CCDC27: variants seen among roughly 807,000 people sequenced by gnomAD.
CCDC27 encodes coiled-coil domain-containing protein 27.
Under a neutral mutation model 80.3 loss-of-function variants are expected in CCDC27, and 80 were observed. The observed-to-expected ratio is 1.00, with a 90% CI of 0.83 to 1.20. CCDC27 has a LOEUF of 1.20. CCDC27 is among the 50% of genes most tolerant of loss of function. CCDC27 has a pLI of 0.00. For missense variants in CCDC27, 815 were observed against 809.4 expected (o/e 1.01, Z -0.08); for synonymous variants, 342 against 334.3 (o/e 1.02, Z -0.25).
rs949236639 is a variant in CCDC27, at chr1:3,755,025, G to A, written c.443-432G>A. 5.9e-5 allele frequency among the ~76,000 whole-genome samples: 9 copies of A among 152,292 alleles called. No individual in the cohort carries two copies. The East Asian group carries it at 1.7e-3, about 29-fold the overall frequency. On this transcript the variant is annotated intron_variant, in intron 2 of 11. Coordinates refer to ENST00000294600, the MANE Select transcript of CCDC27 (RefSeq NM_152492.3). ...GGCAGGTCTCTGGGGAGGCTGAGGGGCCACACGGTGTCCTGGGCGTGGGGT... is the reference window on the plus strand; with the variant it reads ...GGCAGGTCTCTGGGGAGGCTGAGGGACCACACGGTGTCCTGGGCGTGGGGT...
Position 3,761,370 on chromosome 1 carries a change from G to A in CCDC27, c.801G>A (p.Met267Ile), listed in dbSNP as rs565682717. The change falls in exon 5 of 12, where the codon ATG becomes ATA. Residue 267 changes from methionine (M) to isoleucine (I), a missense_variant. Coordinates refer to ENST00000294600, the MANE Select transcript of CCDC27 (RefSeq NM_152492.3). This position sits in a 1 kb window ranked among gnomAD's most constrained non-coding sequence, Gnocchi z 5.0. Reference sequence around the variant, plus strand: ...AGGAGGAGAGGGAGGCCCTGAAGATGCAGCTGAAATGCCTTCTGAAAGGCA... The same window carrying A: ...AGGAGGAGAGGGAGGCCCTGAAGATACAGCTGAAATGCCTTCTGAAAGGCA... ...LLQEEREALKMQLKCLLKGKG... is the reference protein window; with the variant it reads ...LLQEEREALKIQLKCLLKGKG... The A allele has an allele frequency of 1.9e-5, 30 of 1,614,152 alleles. No homozygotes were observed. The African/African-American group carries it at 3.1e-4, about 16-fold the overall frequency.
rs1643088824 is a variant in CCDC27, at chr1:3,761,632, G to C, written c.861+202G>C. ...CGAACAGAGGCACGAAATGACAAATGAGAGCCATGAGCTGATGCAACAGGG... is the reference window on the plus strand; with the variant it reads ...CGAACAGAGGCACGAAATGACAAATCAGAGCCATGAGCTGATGCAACAGGG... On this transcript the variant is annotated intron_variant, in intron 5 of 11. Coordinates refer to ENST00000294600, the MANE Select transcript of CCDC27 (RefSeq NM_152492.3). This position sits in a 1 kb window ranked among gnomAD's most constrained non-coding sequence, Gnocchi z 5.0. Among the ~76,000 whole-genome samples, 1 of 150,764 alleles carries C rather than the reference G, an allele frequency of 6.6e-6. No individual in the cohort carries two copies. The highest frequency in any genetic ancestry group is 1.5e-5 in the Non-Finnish European group (1 of 67,286).
At chr1:3,771,149 T>A (rs938741076) in intron 11 of CCDC27, among the ~76,000 whole-genome samples, 4 of 152,164 alleles carry the variant, frequency 2.6e-5, no homozygotes, top group Non-Finnish European at 4.4e-5. Context: ...CTTCCGTGGC[T>A]GAAAATCAGC....
At chr1:3,767,151 T>C (rs1376498467) in intron 9 of CCDC27, 82 bp from the exon 10 acceptor site, 1 of 1,352,862 alleles carries the variant, frequency 7.4e-7, no homozygotes, top group African/African-American at 1.4e-5. Flanking sequence ...CGGCCATCTT[T>C]TAGGAAAAAG....
rs1044803457 is a variant in CCDC27 at position 3,755,453 on chromosome 1, A to G, written c.443-4A>G. On this transcript the variant is annotated splice_polypyrimidine_tract_variant and splice_region_variant and intron_variant, in intron 2 of 11. Coordinates refer to ENST00000294600, the MANE Select transcript of CCDC27 (RefSeq NM_152492.3). ...CACCAGATGGCATCTTTAACACTCT[A>G]CAGGTTCACCCACTGAGGCCGATTT... 8 of 1,613,086 alleles carry G rather than the reference A, an allele frequency of 5.0e-6. No homozygotes were observed. In the African/African-American group the frequency reaches 6.7e-5, roughly 13 times the overall value.
rs1257742207 is a variant in CCDC27, at chr1:3,766,732, T to C, written c.1530+120T>C. On this transcript the variant is annotated intron_variant, in intron 9 of 11. Coordinates refer to ENST00000294600, the MANE Select transcript of CCDC27 (RefSeq NM_152492.3). The surrounding 1 kb of genome is among the most constrained non-coding windows in gnomAD (Gnocchi z 6.1). ...CACAGCTGAGCCAGGACCCCTTCGG[T>C]AGCATGCCACTCGACAGATCTCTGC... 2.8e-6 allele frequency: 2 copies of C among 720,982 alleles called. No individual in the cohort carries two copies. Among genetic ancestry groups the C allele is most frequent in the Non-Finnish European group, 4.7e-6 (2 of 429,280 alleles). 44.7% of individuals were successfully genotyped at this position (720,982 alleles called of 1,614,324 possible). A position where few individuals can be genotyped will look rare whatever the true frequency, so the allele number is the denominator to read the frequency against.
chr1:3,756,428 C>A (rs75920155), intron 3 of CCDC27: 53,137 of 257,710 alleles, frequency 0.21, 6,911 homozygotes, highest in Non-Finnish European at 0.28. Flanking sequence ...ATCAGGATGA[C>A]CCCCTCGTCC....
chr1:3,762,338 G>A (rs1439071326), intron 5 of CCDC27, among the ~76,000 whole-genome samples: 4 of 152,132 alleles, frequency 2.6e-5, no homozygotes, highest in African/African-American at 4.8e-5. Flanking sequence ...ATGCACAGTG[G>A]GCGTGTGTAA....
Position 3,763,523 on chromosome 1 carries a change from G to C in CCDC27, c.1321+49G>C. ...GGGCTTTGGCCACTCAGTGGTTCCC[G>C]GCCCAGGAGCTGGGACGCCCAGACG... On this transcript the variant is annotated intron_variant, in intron 7 of 11. Transcript: ENST00000294600. The surrounding 1 kb of genome is among the most constrained non-coding windows in gnomAD (Gnocchi z 7.5). The C allele has an allele frequency of 3.2e-6, 5 of 1,551,662 alleles. No individual in the cohort carries two copies. Among genetic ancestry groups the C allele is most frequent in the Non-Finnish European group, 4.4e-6 (5 of 1,148,556 alleles).
rs767384697 is a variant in CCDC27 at position 3,766,548 on chromosome 1, G to A, written c.1466G>A (p.Arg489Gln). 1.4e-5 allele frequency: 22 copies of A among 1,613,420 alleles called. No individual in the cohort carries two copies. Among genetic ancestry groups the A allele is most frequent in the African/African-American group, 4.0e-5 (3 of 74,820 alleles). The change falls in exon 9 of 12, where the codon CGA (arginine) becomes CAA (glutamine). Residue 489 changes from arginine to glutamine, a missense_variant. Arg to Gln is a conservative substitution (Grantham distance 43). Transcript: ENST00000294600. The surrounding 1 kb of genome is among the most constrained non-coding windows in gnomAD (Gnocchi z 6.1). ...QAMTDKFSNL[R>Q]EDKKHQEMMG... ...GTCTCCTTCCAGTTCTCCAACCTCC[G>A]AGAAGATAAGAAACACCAAGAGATG...
Position 3,766,668 on chromosome 1 carries a change from C to T in CCDC27, c.1530+56C>T. The T allele has an allele frequency of 2.8e-6, 4 of 1,445,878 alleles. No homozygotes were observed. The highest frequency in any genetic ancestry group is 3.9e-6 in the Non-Finnish European group (4 of 1,032,858). 89.6% of individuals were successfully genotyped at this position (1,445,878 alleles called of 1,614,324 possible). On this transcript the variant is annotated intron_variant, in intron 9 of 11. Transcript: ENST00000294600. The surrounding 1 kb of genome is among the most constrained non-coding windows in gnomAD (Gnocchi z 6.1). ...CCAGGCCACTGTTCTTACTGTAAGT[C>T]CCAACACAGCAAAGGGCAAGACGGG...
Position 3,768,153 on chromosome 1 carries a change from G to C in CCDC27, c.1743+708G>C, listed in dbSNP as rs1158805306. Among the ~76,000 whole-genome samples, 1 of 149,776 alleles carries C rather than the reference G, an allele frequency of 6.7e-6. No individual in the cohort carries two copies. The highest frequency in any genetic ancestry group is 1.5e-5 in the Non-Finnish European group (1 of 67,704). On this transcript the variant is annotated intron_variant, in intron 10 of 11. Coordinates refer to ENST00000294600, the MANE Select transcript of CCDC27 (RefSeq NM_152492.3). This position sits in a 1 kb window ranked among gnomAD's most constrained non-coding sequence, Gnocchi z 5.6. ...TCTGTCATCCAGTCTGGAGTGCAGT[G>C]GGGTGATAACAGCTCACTGCAGCCT... is the stretch of plus-strand genomic sequence containing the variant.
chr1:3,752,959 A>C (rs190430963), intron 1 of CCDC27, among the ~76,000 whole-genome samples, 160 bp downstream of exon 1: 1 of 152,200 alleles, frequency 6.6e-6, no homozygotes, highest in African/African-American at 2.4e-5. Flanking sequence ...ATTGAGCGCT[A>C]GGGGTGGAAA....
rs76615735 is a variant in CCDC27, at chr1:3,768,053, C to T, written c.1743+608C>T. 0.012 allele frequency among the ~76,000 whole-genome samples: 1,767 copies of T among 151,372 alleles called. 31 individuals are homozygous for T. Among genetic ancestry groups the T allele is most frequent in the African/African-American group, 0.041 (1,671 of 41,172 alleles). On this transcript the variant is annotated intron_variant, in intron 10 of 11. Coordinates refer to ENST00000294600, the MANE Select transcript of CCDC27 (RefSeq NM_152492.3). The surrounding 1 kb of genome is among the most constrained non-coding windows in gnomAD (Gnocchi z 5.6). Reference sequence around the variant, plus strand: ...CCAGAGTGTGCCCTGCTTGTGAGGGCCCCATGCCAAAAAGGAAATCAATAA... The same window carrying T: ...CCAGAGTGTGCCCTGCTTGTGAGGGTCCCATGCCAAAAAGGAAATCAATAA...
In CCDC27 at chr1:3,761,334, C is replaced by A. The variant is rs200698032; in HGVS notation, c.765C>A (p.Ile255=). The change falls in exon 5 of 12, where the codon ATC becomes ATA. Residue 255 remains isoleucine (I), a synonymous_variant. Coordinates refer to ENST00000294600, the MANE Select transcript of CCDC27 (RefSeq NM_152492.3). This position sits in a 1 kb window ranked among gnomAD's most constrained non-coding sequence, Gnocchi z 5.0. ...EIQVQKKDEE[I]LLLQEEREAL... ...AGGTTCAGAAGAAAGACGAGGAGAT[C>A]CTGCTGCTCCAGGAGGAGAGGGAGG... The A allele has an allele frequency of 1.2e-6, 2 of 1,614,144 alleles. No individual in the cohort carries two copies. Among genetic ancestry groups the A allele is most frequent in the Admixed American group, 3.3e-5 (2 of 60,020 alleles).
chr1:3,762,574 C>G, intron 5 of CCDC27, 46 bp from the exon 6 acceptor site: 2 of 1,473,988 alleles, frequency 1.4e-6, no homozygotes, highest in Non-Finnish European at 1.9e-6. Context: ...CCCTGGGGTG[C>G]TGCAGGAGGG....
At chr1:3,758,627 T>C (rs1192476856) in intron 4 of CCDC27, among the ~76,000 whole-genome samples, 2 of 152,192 alleles carry the variant, frequency 1.3e-5, no homozygotes, top group Non-Finnish European at 2.9e-5. Flanking sequence ...CAAGGTCTCA[T>C]TTTGTCACCC....
At position 3,767,449 on chromosome 1, in the gene CCDC27, T is replaced by C; in HGVS notation, c.1743+4T>C. The C allele has an allele frequency of 6.2e-7, 1 of 1,605,722 alleles. No homozygotes were observed. The highest frequency in any genetic ancestry group is 8.5e-7 in the Non-Finnish European group (1 of 1,175,646). On this transcript the variant is annotated splice_donor_region_variant and intron_variant, in intron 10 of 11. Coordinates refer to ENST00000294600, the MANE Select transcript of CCDC27 (RefSeq NM_152492.3). ...CCTGGAGAGCTCCCAGTCCAGGGTATGCCCAGCCCTTCCTCCTGAGGGTCT... is the reference window on the plus strand; with the variant it reads ...CCTGGAGAGCTCCCAGTCCAGGGTACGCCCAGCCCTTCCTCCTGAGGGTCT...
Position 3,771,628 on chromosome 1 carries a change from C to A in CCDC27, c.*105C>A. 2.3e-6 allele frequency: 3 copies of A among 1,318,168 alleles called. No individual in the cohort carries two copies. The highest frequency in any genetic ancestry group is 2.1e-6 in the Non-Finnish European group (2 of 954,608). 81.7% of individuals were successfully genotyped at this position (1,318,168 alleles called of 1,614,324 possible). ...CCTGCTCTCAGACTCAGAATTAAAC[C>A]CCGGTGTTGGCACTGTCCCACCTTT... On this transcript the variant is annotated 3_prime_UTR_variant, in exon 12 of 12. Coordinates refer to ENST00000294600, the MANE Select transcript of CCDC27 (RefSeq NM_152492.3).
Sources: gnomAD v4.1 joint callset for allele counts (sites outside exome capture counted in the v4.1 genomes callset) on GRCh38, gnomAD v4.1.1 for gene constraint, Gnocchi (gnomAD v3.1) non-coding constraint, MANE v1.5 for transcripts, NCBI Gene and HGNC (gene_info 2026-07-23, HGNC 2026-07-21) for gene names.